TRPM3: variants seen among roughly 807,000 people sequenced by gnomAD.
TRPM3 encodes long transient receptor potential channel 3.
In TRPM3, 77 loss-of-function variants were observed where a neutral mutation model predicts 181.2. The observed-to-expected ratio is 0.42, with a 90% CI of 0.35 to 0.51. The LOEUF is 0.51. Ranked by LOEUF, TRPM3 falls within the 20% of genes least tolerant of loss-of-function variation. The pLI is 0.01. For synonymous variants in TRPM3, 745 were observed against 796.4 expected (o/e 0.94, Z 1.09); for missense variants, 1,759 against 2,196.7 (o/e 0.80, Z 3.98).
At chr9:70,916,912 A>G (rs1452553267) in intron 1 of TRPM3, 1 of 944,162 alleles carries the variant, frequency 1.1e-6, no homozygotes, top group East Asian at 2.5e-5. Flanking sequence ...CAAGTGGTTC[A>G]CTTCTCTTTA....
At chr9:71,124,966 T>C (rs2073942426), upstream of TRPM3, among the ~76,000 whole-genome samples, 1 of 152,156 alleles carries the variant, frequency 6.6e-6, no homozygotes, top group Non-Finnish European at 1.5e-5. Context: ...AATTCATAGG[T>C]ATCTGGACAT....
At chr9:71,143,930 C>T (rs548427085) in intron 1 of TRPM3, among the ~76,000 whole-genome samples, 25 of 152,218 alleles carry the variant, frequency 1.6e-4, no homozygotes, top group Non-Finnish European at 2.9e-4. Context: ...ATTTGCAGTT[C>T]TCTAATGATC....
At chr9:70,635,643 T>A (rs903669250) in intron 11 of TRPM3, among the ~76,000 whole-genome samples, 1 of 151,342 alleles carries the variant, frequency 6.6e-6, no homozygotes, top group African/African-American at 2.4e-5. Context: ...TTTTTTTTTT[T>A]AAAGATGGGG....
intron 1 of TRPM3, among the ~76,000 whole-genome samples, chr9:71,377,195 CCATT>C (rs1379351107): frequency 6.6e-6 from 1 of 151,990 alleles, no homozygotes; most frequent in Non-Finnish European, 1.5e-5. Context: ...AACATAATGG[CCATT>C]CATTAACAAT....
At chr9:70,964,764 T>C (rs1343558700) in intron 1 of TRPM3, among the ~76,000 whole-genome samples, 2 of 152,126 alleles carry the variant, frequency 1.3e-5, no homozygotes, top group African/African-American at 4.8e-5. Context: ...CACCTTTTGC[T>C]TTCCAAAGAT....
intron 6 of TRPM3, among the ~76,000 whole-genome samples, chr9:70,787,051 T>C (rs780933618): frequency 5.3e-5 from 8 of 152,176 alleles, no homozygotes; most frequent in Non-Finnish European, 7.3e-5. Flanking sequence ...AGAGCATACA[T>C]AATGAAAAGA....
At chr9:71,419,623 C>T (rs1383698398) in intron 1 of TRPM3, among the ~76,000 whole-genome samples, 3 of 151,886 alleles carry the variant, frequency 2.0e-5, no homozygotes, top group Non-Finnish European at 4.4e-5. Flanking sequence ...ACCAAAGATA[C>T]ATATCACAAT....
chr9:70,902,630 A>G (rs1252823808), intron 1 of TRPM3, among the ~76,000 whole-genome samples: 1 of 152,186 alleles, frequency 6.6e-6, no homozygotes, highest in Non-Finnish European at 1.5e-5. Flanking sequence ...AGAAACTACA[A>G]TGAGCAAAAA....
At chr9:70,546,544 G>A (rs1345795653) in intron 25 of TRPM3, among the ~76,000 whole-genome samples, 1 of 152,146 alleles carries the variant, frequency 6.6e-6, no homozygotes, top group Non-Finnish European at 1.5e-5. Flanking sequence ...CTTACTGCCT[G>A]GCAATGGTGA....
rs548826003 is a variant in TRPM3 at position 71,138,370 on chromosome 9, G to A, written c.184-273859C>T. On this transcript the variant is annotated intron_variant, in intron 1 of 24. Coordinates refer to the TRPM3 transcript ENST00000357533. ...TCCATCCCCAGGTAGAGATGATCCC[G>A]TGCATACGCTATGGTTGCCTGAACT... Among the ~76,000 whole-genome samples, 22 of 152,186 alleles carry A rather than the reference G, an allele frequency of 1.4e-4. No individual in the cohort carries two copies. The South Asian group carries it at 2.1e-3, about 14-fold the overall frequency.
chr9:71,021,851 C>A (rs1246192932), intron 1 of TRPM3, among the ~76,000 whole-genome samples: 2 of 151,988 alleles, frequency 1.3e-5, no homozygotes, highest in African/African-American at 4.8e-5. Context: ...TCAGTAAGAC[C>A]TTATATATCA....
At chr9:70,958,337 GTA>G (rs1491031488) in intron 1 of TRPM3, among the ~76,000 whole-genome samples, 1 of 151,932 alleles carries the variant, frequency 6.6e-6, no homozygotes, top group Admixed American at 6.6e-5. Context: ...TATGCTCACA[GTA>G]TTTTTAAAGT....
At chr9:71,305,710 G>C (rs908770588) in intron 1 of TRPM3, among the ~76,000 whole-genome samples, 3 of 152,158 alleles carry the variant, frequency 2.0e-5, no homozygotes, top group African/African-American at 7.2e-5. Flanking sequence ...CAGTGGATTT[G>C]AGGGTCATTA....
chr9:70,981,892 A>G (rs1479715333), intron 1 of TRPM3, among the ~76,000 whole-genome samples: 8 of 152,188 alleles, frequency 5.3e-5, no homozygotes, highest in African/African-American at 1.9e-4. Flanking sequence ...AACAAATTGG[A>G]CTCCATCCAA....
chr9:70,610,558 G>T, intron 19 of TRPM3, 51 bp downstream of exon 19: 1 of 1,590,464 alleles, frequency 6.3e-7, no homozygotes, highest in Non-Finnish European at 8.6e-7. Flanking sequence ...AGAAATGGAC[G>T]TTGGCTCCTT....
intron 5 of TRPM3, among the ~76,000 whole-genome samples, chr9:70,837,784 C>T (rs1315340218): frequency 1.3e-5 from 2 of 152,144 alleles, no homozygotes; most frequent in Non-Finnish European, 2.9e-5. Context: ...GGTCATGCAT[C>T]GAGTCTGTCT....
intron 8 of TRPM3, among the ~76,000 whole-genome samples, chr9:70,701,764 A>G (rs2072651922): frequency 6.6e-6 from 1 of 152,228 alleles, no homozygotes; most frequent in South Asian, 2.1e-4. Flanking sequence ...TAAGTGAAAT[A>G]AATATAACTG....
chr9:71,210,754 A>C (rs2079442727), intron 1 of TRPM3, among the ~76,000 whole-genome samples: 1 of 152,202 alleles, frequency 6.6e-6, no homozygotes, highest in African/African-American at 2.4e-5. Flanking sequence ...GATGGCTCAC[A>C]CAACAGAAAT....
At chr9:71,317,197 A>G (rs543299158) in intron 1 of TRPM3, among the ~76,000 whole-genome samples, 23 of 152,314 alleles carry the variant, frequency 1.5e-4, no homozygotes, top group African/African-American at 5.5e-4. Context: ...ACACCTTAAA[A>G]AGAGAGCTGA....
Sources: allele counts gnomAD v4.1 joint callset (sites outside exome capture counted in the v4.1 genomes callset), GRCh38; gene constraint gnomAD v4.1.1; transcripts MANE v1.5; gene names NCBI Gene and HGNC (gene_info 2026-07-23, HGNC 2026-07-21).